FSTL5: variants seen among roughly 807,000 people sequenced by gnomAD.
The protein encoded by FSTL5 is follistatin-related protein 5.
FSTL5 carries 62 observed loss-of-function variants against 89.1 expected under a neutral mutation model. That is an observed-to-expected ratio of 0.70 (90% CI 0.57 to 0.86). The LOEUF is 0.86. Among genes scored for constraint, FSTL5 ranks in the 40% least tolerant of loss-of-function variants. FSTL5 has a pLI of 0.00. For missense variants in FSTL5, 1,057 were observed against 1,001.6 expected (o/e 1.06, Z -0.75); for synonymous variants, 383 against 346.2 (o/e 1.11, Z -1.18).
At chr4:161,978,686 T>C (rs1303136625) in intron 3 of FSTL5, among the ~76,000 whole-genome samples, 1 of 152,132 alleles carries the variant, frequency 6.6e-6, no homozygotes. Context: ...CCATTACGGC[T>C]CCCTAGTTTC....
intron 6 of FSTL5, among the ~76,000 whole-genome samples, chr4:161,724,115 C>A (rs185154451): frequency 2.0e-4 from 31 of 151,848 alleles, no homozygotes; most frequent in African/African-American, 5.8e-4. Context: ...GCAAGGCACA[C>A]AAATAGATTT....
chr4:162,078,286 ATAAATCATTTTTAGATAAGATAAGT>A (rs1269918438), intron 2 of FSTL5, among the ~76,000 whole-genome samples: 3 of 151,932 alleles, frequency 2.0e-5, no homozygotes, highest in Non-Finnish European at 4.4e-5. Context: ...CCTGGAACAA[ATAAATCATTTTTAGATAAGATAAGT>A]GGTTTATATG....
rs137885324 is a variant in FSTL5 at position 161,510,064 on chromosome 4, T to C, written c.1339+334A>G. 9.2e-5 allele frequency among the ~76,000 whole-genome samples: 14 copies of C among 152,314 alleles called. No homozygotes were observed. The East Asian group carries it at 2.7e-3, about 29-fold the overall frequency. On this transcript the variant is annotated intron_variant, in intron 11 of 15. Transcript: ENST00000306100. ...TATCCCCTTGATAAGGCACAGTTTT[T>C]ATAAATATTCTTACTCTGCATTAAT...
chr4:162,063,371 C>T (rs1286563556), intron 2 of FSTL5, among the ~76,000 whole-genome samples: 1 of 151,718 alleles, frequency 6.6e-6, no homozygotes, highest in Non-Finnish European at 1.5e-5. Flanking sequence ...TTTCCACATA[C>T]AAAACAGTGA....
chr4:162,131,520 A>T (rs1309309128), intron 1 of FSTL5, among the ~76,000 whole-genome samples: 1 of 152,188 alleles, frequency 6.6e-6, no homozygotes, highest in African/African-American at 2.4e-5. Flanking sequence ...GTTCCAAAAG[A>T]TATACTTTGG....
At chr4:162,116,646 G>T (rs921352580) in intron 1 of FSTL5, among the ~76,000 whole-genome samples, 2 of 152,198 alleles carry the variant, frequency 1.3e-5, no homozygotes, top group African/African-American at 4.8e-5. Flanking sequence ...CTAGATATCA[G>T]GAAGCTGTAG....
At chr4:161,760,153 A>C (rs116066264) in intron 5 of FSTL5, among the ~76,000 whole-genome samples, 55 of 152,350 alleles carry the variant, frequency 3.6e-4, no homozygotes, top group African/African-American at 1.2e-3. Context: ...ATGAAAATCT[A>C]TCCAGGCGTG....
intron 14 of FSTL5, among the ~76,000 whole-genome samples, chr4:161,458,174 T>C (rs1038399756): frequency 1.3e-5 from 2 of 152,204 alleles, no homozygotes; most frequent in Non-Finnish European, 2.9e-5. Context: ...CTGGAGCCCA[T>C]GAGTGCTCCC....
rs1016658278 is a variant in FSTL5 at position 161,675,792 on chromosome 4, T to G, written c.728-19298A>C. Among the ~76,000 whole-genome samples, 63 of 152,162 alleles carry G rather than the reference T, an allele frequency of 4.1e-4. 1 individual carries two copies. Among genetic ancestry groups the G allele is most frequent in the Admixed American group, 4.1e-3 (62 of 15,228 alleles). On this transcript the variant is annotated intron_variant, in intron 6 of 15. Coordinates refer to ENST00000306100, the MANE Select transcript of FSTL5 (RefSeq NM_020116.5). ...TAATTTATGCTAATGAGACGCTATC[T>G]GATAGAAATTTTCTAAAAATTGTTA...
intron 15 of FSTL5, among the ~76,000 whole-genome samples, chr4:161,424,380 A>C (rs950246419): frequency 6.6e-6 from 1 of 151,812 alleles, no homozygotes; most frequent in African/African-American, 2.4e-5. Context: ...GCATAGTGTT[A>C]AATGATATAA....
chr4:161,609,933 C>T (rs1359018026), intron 7 of FSTL5, among the ~76,000 whole-genome samples: 1 of 152,088 alleles, frequency 6.6e-6, no homozygotes, highest in East Asian at 1.9e-4. Flanking sequence ...GCTCACCAGA[C>T]ATGCAAAAAC....
rs147401310 is a variant in FSTL5 at position 161,725,773 on chromosome 4, C to T, written c.727+33638G>A. ...CTTGCTGAGTGCACTAGGCAATGGC[C>T]TAAAAATCCCATATATTAGTTCATT... On this transcript the variant is annotated intron_variant, in intron 6 of 15. Coordinates refer to ENST00000306100, the MANE Select transcript of FSTL5 (RefSeq NM_020116.5). 4.5e-3 allele frequency among the ~76,000 whole-genome samples: 679 copies of T among 152,208 alleles called. 8 individuals carry two copies. Among genetic ancestry groups the T allele is most frequent in the African/African-American group, 0.016 (650 of 41,518 alleles).
At chr4:161,642,884 T>G (rs781437218) in intron 7 of FSTL5, among the ~76,000 whole-genome samples, 1 of 152,144 alleles carries the variant, frequency 6.6e-6, no homozygotes, top group Non-Finnish European at 1.5e-5. Context: ...TTGGAGATGG[T>G]TGTATAACAT....
intron 3 of FSTL5, among the ~76,000 whole-genome samples, chr4:161,954,579 T>G (rs925529119): frequency 2.6e-5 from 4 of 151,690 alleles, no homozygotes; most frequent in African/African-American, 9.7e-5. Flanking sequence ...TATGTATGTC[T>G]GTATGTATGT....
At chr4:161,653,043 A>G (rs1213677542) in intron 7 of FSTL5, among the ~76,000 whole-genome samples, 2 of 152,220 alleles carry the variant, frequency 1.3e-5, no homozygotes, top group South Asian at 2.1e-4. Flanking sequence ...AAATGGAATT[A>G]TAGACATTTC....
At chr4:161,590,750 T>C (rs1733786343) in intron 7 of FSTL5, among the ~76,000 whole-genome samples, 1 of 152,158 alleles carries the variant, frequency 6.6e-6, no homozygotes, top group Admixed American at 6.6e-5. Flanking sequence ...ATTGCAAGTG[T>C]TGGAGAGGAT....
At chr4:161,732,967 T>A (rs1278580848) in intron 6 of FSTL5, among the ~76,000 whole-genome samples, 1 of 151,920 alleles carries the variant, frequency 6.6e-6, no homozygotes, top group Non-Finnish European at 1.5e-5. Context: ...TTGGTTATTT[T>A]ATATACTCTT....
chr4:162,071,520 G>A (rs1285252317), intron 2 of FSTL5, among the ~76,000 whole-genome samples: 1 of 151,744 alleles, frequency 6.6e-6, no homozygotes, highest in East Asian at 1.9e-4. Context: ...GCTAAAGGAA[G>A]GAATAGACTC....
In FSTL5 at chr4:161,636,469, T is replaced by C. The variant is rs570594454; in HGVS notation, c.894+19859A>G. ...TTGTTTTTTTTTTTTTCTTTTTTTT[T>C]TTTTTATTATACTTTAAGTTTTAGG... On this transcript the variant is annotated intron_variant, in intron 7 of 15. Transcript: ENST00000306100. Among the ~76,000 whole-genome samples, 23 of 150,654 alleles carry C rather than the reference T, an allele frequency of 1.5e-4. No individual in the cohort carries two copies. In the South Asian group the frequency reaches 4.6e-3, roughly 30 times the overall value.
Sources: gnomAD v4.1 joint callset for allele counts (sites outside exome capture counted in the v4.1 genomes callset) on GRCh38, gnomAD v4.1.1 for gene constraint, MANE v1.5 for transcripts, NCBI Gene and HGNC (gene_info 2026-07-23, HGNC 2026-07-21) for gene names.